SLC35A1: variants seen among roughly 807,000 people sequenced by gnomAD.
The protein encoded by SLC35A1 is solute carrier family 35 member A1, also known as CMP-sialic acid transporter.
A neutral mutation model predicts 40.3 loss-of-function variants in SLC35A1; 21 were observed. The ratio of observed to expected loss-of-function variants is 0.52; its 90% CI spans 0.37 to 0.75. The LOEUF (loss-of-function observed/expected upper bound fraction) is 0.75. SLC35A1 is among the 30% of genes least tolerant of loss of function. The pLI, the probability that SLC35A1 is intolerant of heterozygous loss-of-function variation, is 0.00. For missense variants in SLC35A1, 297 were observed against 382.1 expected, an observed-to-expected ratio of 0.78 and a Z score of 1.86; for synonymous variants, 146 against 147.3, an observed-to-expected ratio of 0.99 and a Z score of 0.06.
Position 87,508,406 on chromosome 6 carries a change from T to C in SLC35A1, c.575-14T>C. Reference sequence around the variant, plus strand: ...TAGTAATCTTTAATATTTGCATGTCTAATTTTCTTTCAGGAGTATATTTTG... The same window carrying C: ...TAGTAATCTTTAATATTTGCATGTCCAATTTTCTTTCAGGAGTATATTTTG... On this transcript the variant is annotated splice_polypyrimidine_tract_variant and intron_variant, in intron 5 of 7. Coordinates refer to ENST00000369552, the MANE Select transcript of SLC35A1 (RefSeq NM_006416.5). 2 of 1,538,146 alleles carry C rather than the reference T, an allele frequency of 1.3e-6. No individual in the cohort carries two copies. The highest frequency in any genetic ancestry group is 2.3e-5 in the East Asian group (1 of 44,394).
At chr6:87,493,461 G>GTT in intron 2 of SLC35A1, among the ~76,000 whole-genome samples, 1 of 134,238 alleles carries the variant, frequency 7.4e-6, no homozygotes, top group South Asian at 2.3e-4. Context: ...TCTAAATCTA[G>GTT]TTGTGTGTGT....
At chr6:87,495,712 G>A (rs539153871) in intron 2 of SLC35A1, among the ~76,000 whole-genome samples, 10 of 151,410 alleles carry the variant, frequency 6.6e-5, no homozygotes, top group African/African-American at 2.4e-4. Flanking sequence ...CTGGAGTGCA[G>A]TGGTGCGATC....
intron 2 of SLC35A1, among the ~76,000 whole-genome samples, chr6:87,494,608 G>T (rs1769663256): frequency 6.6e-6 from 1 of 151,788 alleles, no homozygotes; most frequent in Non-Finnish European, 1.5e-5. Flanking sequence ...GTATTTTTTA[G>T]TAGAGACGGG....
intron 1 of SLC35A1, among the ~76,000 whole-genome samples, chr6:87,473,272 A>C (rs1018642043): frequency 7.2e-5 from 11 of 152,012 alleles, no homozygotes; most frequent in Non-Finnish European, 1.3e-4. Flanking sequence ...GACCTCCACT[A>C]GCTGGGAGTG....
At position 87,511,667 on chromosome 6, in the gene SLC35A1, A is replaced by G. The variant is rs1290995647; in HGVS notation, c.*141A>G. 6 of 920,622 alleles carry G rather than the reference A, an allele frequency of 6.5e-6. 1 individual carries two copies. In the South Asian group the frequency reaches 8.1e-5, roughly 12 times the overall value. The allele number at this position is 920,622 out of a possible 1,614,324, so 57.0% of individuals were successfully genotyped here. A position where few individuals can be genotyped will look rare whatever the true frequency, so the allele number is the denominator to read the frequency against. On this transcript the variant is annotated 3_prime_UTR_variant, in exon 8 of 8. Coordinates refer to ENST00000369552, the MANE Select transcript of SLC35A1 (RefSeq NM_006416.5). ...GTGCGGTTATGTGGAAACAACAACA[A>G]ACAAACGAAGCTATCTGAGTGAACT...
At chr6:87,473,688 A>G (rs1051694341) in intron 1 of SLC35A1, among the ~76,000 whole-genome samples, 1 of 152,170 alleles carries the variant, frequency 6.6e-6, no homozygotes, top group Non-Finnish European at 1.5e-5. Context: ...GTGAAGGCGT[A>G]TTTGTTGACT....
intron 7 of SLC35A1, 28 bp from the exon 8 acceptor site, chr6:87,511,371 A>C (rs908621917): frequency 6.2e-7 from 1 of 1,611,934 alleles, no homozygotes; most frequent in African/African-American, 1.3e-5. Flanking sequence ...ACACATACAG[A>C]TAAAGCTATT....
rs200065902 is a variant in SLC35A1, at chr6:87,511,519, G to A, written c.1007G>A (p.Gly336Asp). 44 of 1,613,944 alleles carry A rather than the reference G, an allele frequency of 2.7e-5. No individual in the cohort carries two copies. The East Asian group carries it at 8.7e-4, about 32-fold the overall frequency. The change falls in exon 8 of 8, where the codon GGT becomes GAT. Residue 336 changes from glycine (G) to aspartate (D), a missense_variant. Transcript: ENST00000369552. Reference protein sequence around the residue: ...GETASKERVIGV With the variant: ...GETASKERVIDV ...ACAGCTTCAAAGGAGAGAGTTATTGGTGTGTGATTTTAGCCTCACGTGAGA... is the reference window on the plus strand; with the variant it reads ...ACAGCTTCAAAGGAGAGAGTTATTGATGTGTGATTTTAGCCTCACGTGAGA...
intron 2 of SLC35A1, among the ~76,000 whole-genome samples, chr6:87,497,642 T>A (rs893830244): frequency 6.6e-6 from 1 of 152,162 alleles, no homozygotes; most frequent in Non-Finnish European, 1.5e-5. Flanking sequence ...AAGTAGCCCA[T>A]ATTCTGACAG....
chr6:87,492,977 C>T (rs1337496715), intron 2 of SLC35A1, among the ~76,000 whole-genome samples: 1 of 152,184 alleles, frequency 6.6e-6, no homozygotes, highest in Non-Finnish European at 1.5e-5. Context: ...TTCTCTTTCT[C>T]ATCACACTTT....
chr6:87,483,666 C>G (rs1022844257), intron 2 of SLC35A1, among the ~76,000 whole-genome samples: 3 of 152,110 alleles, frequency 2.0e-5, no homozygotes, highest in Non-Finnish European at 4.4e-5. Flanking sequence ...GAAGGCTCAA[C>G]CCCTCAAACC....
chr6:87,508,952 A>G lies in SLC35A1; in HGVS notation c.752-89A>G, dbSNP rs2127977646. ...GTATTTTCCTTTTCCTAGGTAAAGT[A>G]TGGCATCTCTGGGGATGAAAATTGC... On this transcript the variant is annotated intron_variant, in intron 6 of 7. Coordinates refer to ENST00000369552, the MANE Select transcript of SLC35A1 (RefSeq NM_006416.5). 2.3e-5 allele frequency: 31 copies of G among 1,360,966 alleles called. 1 individual carries two copies. In the South Asian group the frequency reaches 3.5e-4, roughly 15 times the overall value. The allele number at this position is 1,360,966 out of a possible 1,614,324, so 84.3% of individuals were successfully genotyped here. A position where few individuals can be genotyped will look rare whatever the true frequency, so the allele number is the denominator to read the frequency against.
chr6:87,477,284 T>C (rs1042274906), intron 1 of SLC35A1, 78 bp from the exon 2 acceptor site: 10 of 1,259,984 alleles, frequency 7.9e-6, no homozygotes, highest in Middle Eastern at 5.2e-4. Context: ...AAAGTATTTT[T>C]AGGCTATAAC....
In SLC35A1 at chr6:87,511,788, A is replaced by AAAAGT. The variant is rs1770284745; in HGVS notation, c.*264_*268dup. 2 of 446,388 alleles carry AAAAGT rather than the reference A, an allele frequency of 4.5e-6. No homozygotes were observed. Among genetic ancestry groups the AAAAGT allele is most frequent in the Admixed American group, 6.8e-5 (2 of 29,220 alleles). 27.7% of individuals were successfully genotyped at this position (446,388 alleles called of 1,614,324 possible). A position where few individuals can be genotyped will look rare whatever the true frequency, so the allele number is the denominator to read the frequency against. On this transcript the variant is annotated 3_prime_UTR_variant, in exon 8 of 8. Transcript: ENST00000369552. ...TGTGTGTATATATAATTTGTAAATA[A>AAAAGT]AAAGTATGGAGATGATACGGTGTTA...
chr6:87,485,291 T>C (rs1291144576), intron 2 of SLC35A1, among the ~76,000 whole-genome samples: 2 of 152,208 alleles, frequency 1.3e-5, no homozygotes, highest in Non-Finnish European at 1.5e-5. Context: ...AAAATAATTG[T>C]GTAGAGCTAA....
intron 2 of SLC35A1, among the ~76,000 whole-genome samples, chr6:87,493,909 A>G (rs1464324088): frequency 6.6e-6 from 1 of 152,206 alleles, no homozygotes; most frequent in Non-Finnish European, 1.5e-5. Context: ...ATGTGAAATT[A>G]TACTTATTTC....
At chr6:87,498,490 T>G (rs1769810379) in intron 2 of SLC35A1, among the ~76,000 whole-genome samples, 1 of 152,192 alleles carries the variant, frequency 6.6e-6, no homozygotes. Context: ...ATTTAAGATG[T>G]TGGCCAGGTG....
At chr6:87,508,125 G>A in intron 5 of SLC35A1, among the ~76,000 whole-genome samples, 1 of 151,954 alleles carries the variant, frequency 6.6e-6, no homozygotes, top group Non-Finnish European at 1.5e-5. Flanking sequence ...GAGCTTTTGT[G>A]GTCTTACTGC....
At chr6:87,473,359 C>T (rs1768974078) in intron 1 of SLC35A1, among the ~76,000 whole-genome samples, 1 of 152,130 alleles carries the variant, frequency 6.6e-6, no homozygotes, top group South Asian at 2.1e-4. Flanking sequence ...GGGGCTGGAC[C>T]GCATTACCCA....
Sources: gnomAD v4.1 joint callset for allele counts (sites outside exome capture counted in the v4.1 genomes callset) on GRCh38, gnomAD v4.1.1 for gene constraint, MANE v1.5 for transcripts, NCBI Gene and HGNC (gene_info 2026-07-23, HGNC 2026-07-21) for gene names.